CLNK: variants seen among roughly 807,000 people sequenced by gnomAD.
CLNK encodes the protein cytokine dependent hematopoietic cell linker, also known as cytokine-dependent hematopoietic cell linker.
CLNK carries 74 observed loss-of-function variants against 68.6 expected under a neutral mutation model. The ratio of observed to expected loss-of-function variants is 1.08; its 90% CI spans 0.89 to 1.31. The LOEUF (loss-of-function observed/expected upper bound fraction) is 1.31. Among genes scored for constraint, CLNK ranks in the 50% most tolerant of loss-of-function variants. The pLI, the probability that CLNK is intolerant of heterozygous loss-of-function variation, is 0.00. For missense variants in CLNK, 553 were observed against 515.3 expected, an observed-to-expected ratio of 1.07 and a Z score of -0.71; for synonymous variants, 198 against 172.2, an observed-to-expected ratio of 1.15 and a Z score of -1.17.
At chr4:10,702,381 A>G in the CLNK span, among the ~76,000 whole-genome samples, 1 of 152,056 alleles carries the variant, frequency 6.6e-6, no homozygotes, top group Non-Finnish European at 1.5e-5. Flanking sequence ...GCCAGTTTAG[A>G]TGGGCTGAAG....
At chr4:10,548,015 C>T (rs528809759) in intron 8 of CLNK, among the ~76,000 whole-genome samples, 7 of 152,184 alleles carry the variant, frequency 4.6e-5, no homozygotes, top group East Asian at 1.9e-4. Flanking sequence ...AAGTTGGATT[C>T]GTGAACCATA....
At chr4:10,565,582 CT>C (rs111889105) in intron 6 of CLNK, among the ~76,000 whole-genome samples, 25,075 of 150,308 alleles carry the variant, frequency 0.17, 2,195 homozygotes, top group African/African-American at 0.21. Context: ...GTTAAAAAGT[CT>C]TTTTTTTTTC....
intron 4 of CLNK, among the ~76,000 whole-genome samples, 163 bp from the exon 5 acceptor site, chr4:10,571,941 T>G (rs1014564767): frequency 6.6e-6 from 1 of 152,220 alleles, no homozygotes; most frequent in Non-Finnish European, 1.5e-5. Flanking sequence ...TTATTTCCCA[T>G]TCTACCTGTT....
At chr4:10,611,496 G>GAA (rs10692993) in intron 2 of CLNK, among the ~76,000 whole-genome samples, 1,570 of 134,690 alleles carry the variant, frequency 0.012, 26 homozygotes, top group African/African-American at 0.025. Context: ...GGCTAAGTCT[G>GAA]AAAAAAAAAA....
At chr4:10,497,535 G>A (rs536489342) in intron 18 of CLNK, among the ~76,000 whole-genome samples, 1 of 152,326 alleles carries the variant, frequency 6.6e-6, no homozygotes, top group African/African-American at 2.4e-5. Flanking sequence ...ATCTGGAGGC[G>A]GAGGGTCTAA....
intron 2 of CLNK, among the ~76,000 whole-genome samples, chr4:10,631,399 G>T (rs1278807643): frequency 6.6e-6 from 1 of 152,218 alleles, no homozygotes; most frequent in Non-Finnish European, 1.5e-5. Flanking sequence ...AGGAAATATT[G>T]CCTTTGCCCC....
chr4:10,571,687 C>T (rs1720360093), intron 5 of CLNK, 54 bp downstream of exon 5: 1 of 1,408,054 alleles, frequency 7.1e-7, no homozygotes, highest in Non-Finnish European at 1.0e-6. Context: ...TCAAATTCAC[C>T]TGCTTTGCAA....
the CLNK span, among the ~76,000 whole-genome samples, chr4:10,710,004 C>T: frequency 1.6e-4 from 24 of 152,314 alleles, no homozygotes; most frequent in Admixed American, 1.1e-3. Context: ...CAATTGCTTA[C>T]TGTTTCAAGT....
At chr4:10,678,310 T>A (rs1255690749) in intron 1 of CLNK, among the ~76,000 whole-genome samples, 1 of 152,130 alleles carries the variant, frequency 6.6e-6, no homozygotes, top group East Asian at 1.9e-4. Context: ...AGTAAGATGA[T>A]GAAAGTGAAA....
In CLNK at chr4:10,490,253, A is replaced by G; in HGVS notation, c.*214T>C. ...ATTTATTTTCCAGTGGCCAGTTACT[A>G]GAATGTTTTTATTTTTTGCATGTTA... is the stretch of plus-strand genomic sequence containing the variant. On this transcript the variant is annotated 3_prime_UTR_variant, in exon 19 of 19. Transcript: ENST00000226951. 1 of 430,688 alleles carries G rather than the reference A, an allele frequency of 2.3e-6. No individual in the cohort carries two copies. The highest frequency in any genetic ancestry group is 4.0e-6 in the Non-Finnish European group (1 of 247,866). 26.7% of individuals were successfully genotyped at this position (430,688 alleles called of 1,614,324 possible).
chr4:10,579,063 A>G (rs1720684461), intron 4 of CLNK, among the ~76,000 whole-genome samples: 1 of 152,190 alleles, frequency 6.6e-6, no homozygotes, highest in Non-Finnish European at 1.5e-5. Flanking sequence ...GTCTGGATTG[A>G]CAGCCCCATG....
upstream of CLNK, chr4:10,684,961 T>C (rs1329344398): frequency 6.6e-6 from 1 of 152,146 alleles, no homozygotes; most frequent in Non-Finnish European, 1.5e-5. Context: ...AATCTTCCAA[T>C]GCAAAGGGTG....
Position 10,566,135 on chromosome 4 carries a change from C to G in CLNK, c.166G>C (p.Ala56Pro). The G allele has an allele frequency of 6.2e-7, 1 of 1,613,428 alleles. No individual in the cohort carries two copies. The highest frequency in any genetic ancestry group is 2.2e-5 in the East Asian group (1 of 44,880). ...PLLDWERNFAAVLDGAKGHSD... is the reference protein window; with the variant it reads ...PLLDWERNFAPVLDGAKGHSD... ...TGGCCTTTTGCTCCATCCAGGACTG[C>G]AGCAAAGTTTCTTTCCTAAGCAGGT... Residue 56 changes from alanine (A) to proline (P), a missense_variant, in exon 6 of 19, where the codon GCA becomes CCA. Coordinates refer to ENST00000226951, the MANE Select transcript of CLNK (RefSeq NM_052964.4).
chr4:10,562,376 G>C (rs1187199008), intron 7 of CLNK, among the ~76,000 whole-genome samples: 1 of 151,916 alleles, frequency 6.6e-6, no homozygotes, highest in Non-Finnish European at 1.5e-5. Context: ...TGGAAGTGAT[G>C]ATGTTCATCT....
At chr4:10,699,353 C>CACCACATACGTGTGTGTAT in the CLNK span, among the ~76,000 whole-genome samples, 3 of 118,366 alleles carry the variant, frequency 2.5e-5, no homozygotes, top group Admixed American at 8.2e-5. Flanking sequence ...TACACACACA[C>CACCACATACGTGTGTGTAT]ACACACAGTC....
chr4:10,707,183 G>A, the CLNK span, among the ~76,000 whole-genome samples: 1 of 152,088 alleles, frequency 6.6e-6, no homozygotes, highest in African/African-American at 2.4e-5. Flanking sequence ...TAGAAGAATT[G>A]TCTTGGACCA....
chr4:10,555,034 G>A (rs1243980055), intron 8 of CLNK, among the ~76,000 whole-genome samples: 2 of 152,204 alleles, frequency 1.3e-5, no homozygotes, highest in Non-Finnish European at 2.9e-5. Context: ...TGTAAAATGA[G>A]AGAATTGACC....
chr4:10,567,158 G>T (rs924461143), intron 5 of CLNK, among the ~76,000 whole-genome samples: 2 of 143,058 alleles, frequency 1.4e-5, no homozygotes, highest in African/African-American at 2.6e-5. Flanking sequence ...AAAAGATAAA[G>T]TTGGAGGACT....
chr4:10,597,288 A>C (rs1292644207), intron 3 of CLNK, among the ~76,000 whole-genome samples: 1 of 152,180 alleles, frequency 6.6e-6, no homozygotes, highest in Non-Finnish European at 1.5e-5. Context: ...CCACCTGAGC[A>C]TGGGAGAGAC....
Sources: allele counts gnomAD v4.1 joint callset (sites outside exome capture counted in the v4.1 genomes callset), GRCh38; gene constraint gnomAD v4.1.1; transcripts MANE v1.5; gene names NCBI Gene and HGNC (gene_info 2026-07-23, HGNC 2026-07-21).